Variants in AP1B1 observed in about 807,000 individuals in gnomAD.
AP1B1 encodes AP-1 complex subunit beta-1.
Under a neutral mutation model 104.3 loss-of-function variants are expected in AP1B1, and 36 were observed. That is an observed-to-expected ratio of 0.35 (90% CI 0.26 to 0.46). AP1B1 has a LOEUF of 0.46. Among genes scored for constraint, AP1B1 ranks in the 20% least tolerant of loss-of-function variants. AP1B1 has a pLI of 1.00. For synonymous variants in AP1B1, 504 were observed against 517.5 expected (o/e 0.97, Z 0.35); for missense variants, 901 against 1,247.9 (o/e 0.72, Z 4.19).
chr22:29,353,695 G>A (rs776542493), intron 7 of AP1B1, among the ~76,000 whole-genome samples: 5 of 152,154 alleles, frequency 3.3e-5, no homozygotes, highest in Non-Finnish European at 5.9e-5. Context: ...ACAACCAGGA[G>A]GATGTGCTGT....
At position 29,356,628 on chromosome 22, in the gene AP1B1, G is replaced by A. The variant is rs778943602; in HGVS notation, c.526-12C>T. Reference sequence around the variant, plus strand: ...GCATTGGCCACCACCTGGTTGAGAGGGTGGGAGGGGCAGAGGCTGGGGGTG... The same window carrying A: ...GCATTGGCCACCACCTGGTTGAGAGAGTGGGAGGGGCAGAGGCTGGGGGTG... On this transcript the variant is annotated splice_polypyrimidine_tract_variant and intron_variant, in intron 5 of 22. Coordinates refer to ENST00000357586, the MANE Select transcript of AP1B1 (RefSeq NM_001127.4). The A allele has an allele frequency of 2.8e-5, 45 of 1,612,910 alleles. No individual in the cohort carries two copies. Among genetic ancestry groups the A allele is most frequent in the Non-Finnish European group, 3.7e-5 (44 of 1,179,320 alleles).
At chr22:29,371,573 TA>T (rs147967200) in intron 1 of AP1B1, among the ~76,000 whole-genome samples, 2,762 of 151,498 alleles carry the variant, frequency 0.018, 28 homozygotes, top group South Asian at 0.045. Context: ...CTATGAAAAA[TA>T]AAAAAAATTA....
At chr22:29,366,897 G>A (rs2062151259) in intron 2 of AP1B1, among the ~76,000 whole-genome samples, 1 of 150,912 alleles carries the variant, frequency 6.6e-6, no homozygotes, top group African/African-American at 2.4e-5. Context: ...CTGTGGGGGT[G>A]TTGATAGGAT....
At chr22:29,362,200 A>G (rs966218053) in intron 3 of AP1B1, among the ~76,000 whole-genome samples, 1 of 152,270 alleles carries the variant, frequency 6.6e-6, no homozygotes, top group African/African-American at 2.4e-5. Context: ...GGCTTTAGCC[A>G]TCAGGTGCGA....
At chr22:29,367,397 G>A in intron 1 of AP1B1, 127 bp from the exon 2 acceptor site, 2 of 487,224 alleles carry the variant, frequency 4.1e-6, no homozygotes, top group East Asian at 4.2e-5. Flanking sequence ...TCTATTTCCT[G>A]GAGAAACAAA....
intron 17 of AP1B1, among the ~76,000 whole-genome samples, chr22:29,334,013 C>CGA (rs1456782273): frequency 1.3e-5 from 2 of 152,024 alleles, no homozygotes; most frequent in Non-Finnish European, 1.5e-5. Flanking sequence ...CGCAGTGAGC[C>CGA]GAGATGGCGC....
At chr22:29,367,685 T>C (rs1285331845) in intron 1 of AP1B1, among the ~76,000 whole-genome samples, 2 of 152,138 alleles carry the variant, frequency 1.3e-5, no homozygotes. Flanking sequence ...AGCAGCCCCT[T>C]TGTGGGACCC....
intron 3 of AP1B1, among the ~76,000 whole-genome samples, chr22:29,362,208 C>T (rs993700043): frequency 9.2e-5 from 14 of 152,344 alleles, no homozygotes; most frequent in Middle Eastern, 3.4e-3. Flanking sequence ...CCATCAGGTG[C>T]GACAGAGGCT....
At chr22:29,344,522 T>TA (rs936828030) in intron 11 of AP1B1, among the ~76,000 whole-genome samples, 1 of 139,016 alleles carries the variant, frequency 7.2e-6, no homozygotes, top group Non-Finnish European at 1.6e-5. Flanking sequence ...AGATTTTTTT[T>TA]TTTTTTTTTT....
In AP1B1 at chr22:29,341,513, G is replaced by T; in HGVS notation, c.1784C>A (p.Pro595His). 1 of 1,612,814 alleles carries T rather than the reference G, an allele frequency of 6.2e-7. No individual in the cohort carries two copies. Among genetic ancestry groups the T allele is most frequent in the Non-Finnish European group, 8.5e-7 (1 of 1,179,018 alleles). Residue 595 changes from proline (P) to histidine (H), a missense_variant, in exon 13 of 23, where the codon CCT becomes CAT. Coordinates refer to ENST00000357586, the MANE Select transcript of AP1B1 (RefSeq NM_001127.4). The part of the protein sequence containing the change: ...GRGVVHKSLP[P>H]RTASSESAES... Reference sequence around the variant, plus strand: ...CAGTCTCACTCACGAGGCCGTGCGAGGTGGCAGGCTCTTGTGCACGACGCC... The same window carrying T: ...CAGTCTCACTCACGAGGCCGTGCGATGTGGCAGGCTCTTGTGCACGACGCC...
rs766706285 is a variant in AP1B1, at chr22:29,330,544, C to T, written c.2612-12G>A. On this transcript the variant is annotated splice_polypyrimidine_tract_variant and intron_variant, in intron 20 of 22. Coordinates refer to ENST00000357586, the MANE Select transcript of AP1B1 (RefSeq NM_001127.4). ...GCTGCTCGCAGCCTCTGTGGGGTCA[C>T]ATGGCCGTGAGAGGCCCCAGTCAGC... is the stretch of plus-strand genomic sequence containing the variant. 1.9e-6 allele frequency: 3 copies of T among 1,609,894 alleles called. No homozygotes were observed. Among genetic ancestry groups the T allele is most frequent in the African/African-American group, 2.7e-5 (2 of 74,874 alleles).
At chr22:29,368,099 A>T (rs2062172809) in intron 1 of AP1B1, among the ~76,000 whole-genome samples, 2 of 152,124 alleles carry the variant, frequency 1.3e-5, no homozygotes, top group South Asian at 4.1e-4. Context: ...GGAGTTTGAA[A>T]CCAGCCTGGC....
chr22:29,365,635 G>A (rs2062123802), intron 2 of AP1B1, among the ~76,000 whole-genome samples: 1 of 151,880 alleles, frequency 6.6e-6, no homozygotes, highest in Non-Finnish European at 1.5e-5. Flanking sequence ...AGTTGCCCAG[G>A]CTAGACTCGA....
chr22:29,348,102 G>A (rs1037507496), intron 11 of AP1B1, among the ~76,000 whole-genome samples: 2 of 152,248 alleles, frequency 1.3e-5, no homozygotes, highest in African/African-American at 4.8e-5. Context: ...GGGCAGTGTA[G>A]ATACAGTTGA....
At position 29,344,276 on chromosome 22, in the gene AP1B1, G is replaced by C. The variant is rs574710646; in HGVS notation, c.1438-1893C>G. The stretch of plus-strand genomic sequence containing the variant: ...GGAATTATTCATCACTGTCAGATCT[G>C]CTGTGGTTCCAGTCAGGTATGCCTC... On this transcript the variant is annotated intron_variant, in intron 11 of 22. Transcript: ENST00000357586. 3.9e-5 allele frequency among the ~76,000 whole-genome samples: 6 copies of C among 152,238 alleles called. No homozygotes were observed. The East Asian group carries it at 1.2e-3, about 29-fold the overall frequency.
At chr22:29,359,135 A>T (rs548849077) in intron 4 of AP1B1, among the ~76,000 whole-genome samples, 164 bp from the exon 5 acceptor site, 31 of 152,374 alleles carry the variant, frequency 2.0e-4, no homozygotes, top group Non-Finnish European at 3.7e-4. Flanking sequence ...TAAATGCTAT[A>T]TAACCAGCAC....
chr22:29,360,269 CT>C (rs2062024890), intron 3 of AP1B1, among the ~76,000 whole-genome samples: 1 of 152,182 alleles, frequency 6.6e-6, no homozygotes, highest in Non-Finnish European at 1.5e-5. Context: ...GGAGAAATTC[CT>C]TTGTCACCTG....
At chr22:29,387,277 C>A (rs1401331160) in intron 1 of AP1B1, among the ~76,000 whole-genome samples, 1 of 151,602 alleles carries the variant, frequency 6.6e-6, no homozygotes, top group Non-Finnish European at 1.5e-5. Context: ...TGACATAAAT[C>A]CAAATAAATA....
intron 14 of AP1B1, 88 bp from the exon 15 acceptor site, chr22:29,339,862 G>T (rs77002180): frequency 4.3e-6 from 6 of 1,406,816 alleles, no homozygotes. Flanking sequence ...ACAAGAGAGA[G>T]AAGGGAAAGA....
Sources: gnomAD v4.1 joint callset for allele counts (sites outside exome capture counted in the v4.1 genomes callset) on GRCh38, gnomAD v4.1.1 for gene constraint, MANE v1.5 for transcripts, NCBI Gene and HGNC (gene_info 2026-07-23, HGNC 2026-07-21) for gene names.